CTNNA2: variants seen among roughly 807,000 people sequenced by gnomAD.
CTNNA2 encodes the protein catenin alpha-2.
In CTNNA2, 42 loss-of-function variants were observed where a neutral mutation model predicts 101.0. The ratio of observed to expected loss-of-function variants is 0.42; its 90% CI spans 0.32 to 0.54. The LOEUF (loss-of-function observed/expected upper bound fraction) is 0.54. Among genes scored for constraint, CTNNA2 ranks in the 20% least tolerant of loss-of-function variants. The pLI, the probability that CTNNA2 is intolerant of heterozygous loss-of-function variation, is 0.14. For synonymous variants in CTNNA2, 450 were observed against 456.4 expected (o/e 0.99, Z 0.18); for missense variants, 871 against 1,223.1 (o/e 0.71, Z 4.29).
chr2:79,526,678 A>C (rs928818118), intron 1 of CTNNA2, among the ~76,000 whole-genome samples: 2 of 152,138 alleles, frequency 1.3e-5, no homozygotes, highest in Non-Finnish European at 2.9e-5. Flanking sequence ...CCATATATTT[A>C]TGGTTAATTG....
chr2:79,330,514 A>G (rs1276667452), intron 3 of CTNNA2, among the ~76,000 whole-genome samples: 1 of 152,096 alleles, frequency 6.6e-6, no homozygotes, highest in Non-Finnish European at 1.5e-5. Flanking sequence ...TCACCCTTCA[A>G]AGAGGTAACA....
At chr2:79,856,522 T>C (rs1186322080) in intron 3 of CTNNA2, among the ~76,000 whole-genome samples, 2 of 152,220 alleles carry the variant, frequency 1.3e-5, no homozygotes, top group Non-Finnish European at 2.9e-5. Context: ...ATATTAACTG[T>C]ACTCTTCAAG....
intron 2 of CTNNA2, among the ~76,000 whole-genome samples, chr2:79,295,803 T>C (rs72917245): frequency 0.17 from 24,808 of 148,770 alleles, 3,031 homozygotes; most frequent in African/African-American, 0.34. Context: ...AACTCTTTCT[T>C]CTTCCTAAAA....
intron 3 of CTNNA2, among the ~76,000 whole-genome samples, chr2:79,846,543 G>T (rs764697696): frequency 2.0e-5 from 3 of 152,174 alleles, no homozygotes; most frequent in African/African-American, 7.2e-5. Context: ...CATCCAAACT[G>T]ATATACAAAG....
intron 7 of CTNNA2, among the ~76,000 whole-genome samples, chr2:79,968,294 G>T (rs909771858): frequency 6.6e-6 from 1 of 152,086 alleles, no homozygotes; most frequent in Non-Finnish European, 1.5e-5. Flanking sequence ...GTCATTTTCA[G>T]TCTCAGAACC....
chr2:80,189,770 C>A (rs1706363741), intron 7 of CTNNA2, among the ~76,000 whole-genome samples: 1 of 150,372 alleles, frequency 6.7e-6, no homozygotes, highest in Admixed American at 6.6e-5. Flanking sequence ...AAAACAAAAA[C>A]ACACACACAC....
At position 79,214,061 on chromosome 2, in the gene CTNNA2, T is replaced by C. The variant is rs1168949247; in HGVS notation, c.-406+15985T>C. On this transcript the variant is annotated intron_variant, in intron 2 of 21. Transcript: ENST00000466387. The stretch of plus-strand genomic sequence containing the variant: ...CTATGCCTAGGAAGGAAAGGAGTTG[T>C]TGTTTTGTAGAAGGGATTGAGGTTT... Among the ~76,000 whole-genome samples the C allele has an allele frequency of 2.0e-5, 3 of 152,080 alleles. No individual in the cohort carries two copies. The East Asian group carries it at 5.8e-4, about 29-fold the overall frequency.
intron 3 of CTNNA2, among the ~76,000 whole-genome samples, chr2:79,351,826 C>T (rs1217359656): frequency 6.6e-6 from 1 of 152,092 alleles, no homozygotes; most frequent in Non-Finnish European, 1.5e-5. Context: ...TTTCTTTATC[C>T]GATCCACCAT....
chr2:79,389,244 A>C (rs1181800215), intron 4 of CTNNA2, among the ~76,000 whole-genome samples: 1 of 152,220 alleles, frequency 6.6e-6, no homozygotes, highest in African/African-American at 2.4e-5. Context: ...CCAATTGGAT[A>C]TACTAATTTA....
chr2:79,623,049 T>C (rs1679091657), intron 1 of CTNNA2, among the ~76,000 whole-genome samples: 1 of 152,194 alleles, frequency 6.6e-6, no homozygotes, highest in African/African-American at 2.4e-5. Context: ...TCTTAATAGG[T>C]TTTTATTGTT....
intron 2 of CTNNA2, among the ~76,000 whole-genome samples, chr2:79,234,745 T>C (rs975463131): frequency 6.6e-6 from 1 of 152,206 alleles, no homozygotes; most frequent in African/African-American, 2.4e-5. Flanking sequence ...CTTTTTTCCT[T>C]ATATTTGTAT....
intron 1 of CTNNA2, among the ~76,000 whole-genome samples, chr2:79,534,594 G>T (rs1452154014): frequency 6.6e-6 from 1 of 151,764 alleles, no homozygotes; most frequent in Non-Finnish European, 1.5e-5. Flanking sequence ...TTATAAAAAA[G>T]ATTTATAGAT....
chr2:80,170,166 C>CTTTTATAATGCATTTTATAATG (rs1704953113), intron 7 of CTNNA2, among the ~76,000 whole-genome samples: 1 of 151,676 alleles, frequency 6.6e-6, no homozygotes, highest in South Asian at 2.1e-4. Context: ...AATGCATTTT[C>CTTTTATAATGCATTTTATAATG]CAACTCTTAG....
intron 2 of CTNNA2, among the ~76,000 whole-genome samples, chr2:79,286,773 C>G (rs35887349): frequency 6.6e-6 from 1 of 151,850 alleles, no homozygotes; most frequent in Non-Finnish European, 1.5e-5. Flanking sequence ...GTGGCGTTCT[C>G]TGTATTTCCT....
chr2:79,616,608 C>A (rs578196425), intron 1 of CTNNA2, among the ~76,000 whole-genome samples: 1 of 152,298 alleles, frequency 6.6e-6, no homozygotes, highest in East Asian at 1.9e-4. Flanking sequence ...CCACCCATCA[C>A]CTTCTAATTC....
intron 4 of CTNNA2, among the ~76,000 whole-genome samples, chr2:79,423,661 A>T (rs1678561571): frequency 6.6e-6 from 1 of 152,146 alleles, no homozygotes; most frequent in Admixed American, 6.6e-5. Flanking sequence ...TAGATTGTTT[A>T]TTTCAACTGA....
chr2:80,300,281 G>GGTGTGTGTGT (rs70940079), intron 7 of CTNNA2, among the ~76,000 whole-genome samples: 23 of 93,108 alleles, frequency 2.5e-4, no homozygotes, highest in African/African-American at 5.3e-4. Flanking sequence ...GGGGTGTTGG[G>GGTGTGTGTGT]GTGTGTGTGT....
chr2:79,220,694 C>G (rs1363120918), intron 2 of CTNNA2, among the ~76,000 whole-genome samples: 1 of 152,142 alleles, frequency 6.6e-6, no homozygotes. Flanking sequence ...AGGGAAAAAT[C>G]TCTCCTCATA....
At chr2:80,087,937 G>A (rs1475753099) in intron 7 of CTNNA2, among the ~76,000 whole-genome samples, 6 of 151,858 alleles carry the variant, frequency 4.0e-5, no homozygotes, top group East Asian at 1.9e-4. Context: ...TAGTCCTGAA[G>A]TCTTAACAAG....
Sources: allele counts gnomAD v4.1 joint callset (sites outside exome capture counted in the v4.1 genomes callset), GRCh38; gene constraint gnomAD v4.1.1; transcripts MANE v1.5; gene names NCBI Gene and HGNC (gene_info 2026-07-23, HGNC 2026-07-21).